Variants in RAB7A observed in about 807,000 individuals in gnomAD.
The protein encoded by RAB7A is ras-related protein Rab-7a.
Under a neutral mutation model 24.5 loss-of-function variants are expected in RAB7A, and 2 were observed. The observed-to-expected ratio is 0.08, with a 90% confidence interval of 0.03 to 0.26. RAB7A has a LOEUF of 0.26. RAB7A is among the 10% of genes least tolerant of loss of function. The pLI is 1.00. For synonymous variants in RAB7A, 100 were observed against 95.9 expected, an observed-to-expected ratio of 1.04 and a Z score of -0.25; for missense variants, 118 against 255.7, an observed-to-expected ratio of 0.46 and a Z score of 3.67.
At chr3:128,736,391 T>C (rs987636449) in intron 1 of RAB7A, among the ~76,000 whole-genome samples, 2 of 152,248 alleles carry the variant, frequency 1.3e-5, no homozygotes, top group African/African-American at 4.8e-5. Context: ...CTGTTTCTTT[T>C]GAAACATAGA....
At chr3:128,768,900 G>A (rs2070857647) in intron 1 of RAB7A, among the ~76,000 whole-genome samples, 2 of 148,404 alleles carry the variant, frequency 1.3e-5, no homozygotes, top group South Asian at 2.1e-4. Context: ...TTGTACAACC[G>A]TCACCATCTA....
chr3:128,808,527 AAAC>A (rs1363467186), intron 5 of RAB7A, among the ~76,000 whole-genome samples: 3 of 152,346 alleles, frequency 2.0e-5, no homozygotes, highest in Middle Eastern at 3.4e-3. Context: ...ACAGTTAAGT[AAAC>A]AACACAAAGA....
chr3:128,751,145 T>C (rs1041419771), intron 1 of RAB7A, among the ~76,000 whole-genome samples: 3 of 152,204 alleles, frequency 2.0e-5, no homozygotes, highest in Non-Finnish European at 4.4e-5. Flanking sequence ...GAACCTCTGC[T>C]AGGGCATTGT....
At chr3:128,731,774 G>A (rs141052298) in intron 1 of RAB7A, among the ~76,000 whole-genome samples, 1,807 of 152,134 alleles carry the variant, frequency 0.012, 32 homozygotes, top group African/African-American at 0.039. Flanking sequence ...TTGGGAGGCC[G>A]AGGAGGGTGG....
chr3:128,755,864 C>T (rs936732325), intron 1 of RAB7A, among the ~76,000 whole-genome samples: 17 of 152,018 alleles, frequency 1.1e-4, no homozygotes, highest in African/African-American at 3.9e-4. Flanking sequence ...GTGTGCTGCA[C>T]CCATTAACTC....
intron 1 of RAB7A, among the ~76,000 whole-genome samples, chr3:128,756,501 G>T (rs1440519288): frequency 6.6e-6 from 1 of 152,044 alleles, no homozygotes; most frequent in African/African-American, 2.4e-5. Flanking sequence ...ATTGCAAAAA[G>T]AAATTAAAGA....
intron 1 of RAB7A, among the ~76,000 whole-genome samples, chr3:128,739,573 G>C (rs73196996): frequency 6.6e-6 from 1 of 151,378 alleles, no homozygotes; most frequent in Non-Finnish European, 1.5e-5. Context: ...TAATTTGATG[G>C]CTATAATTCA....
chr3:128,795,891 A>G (rs926248961), intron 2 of RAB7A, among the ~76,000 whole-genome samples: 8 of 151,322 alleles, frequency 5.3e-5, no homozygotes, highest in African/African-American at 2.4e-5. Context: ...AGCTGGGACT[A>G]CAGGCGCCCG....
chr3:128,797,784 A>G (rs760372695), intron 2 of RAB7A, among the ~76,000 whole-genome samples, 159 bp from the exon 3 acceptor site: 5 of 152,214 alleles, frequency 3.3e-5, no homozygotes, highest in African/African-American at 4.8e-5. Context: ...CAAAACTTCA[A>G]AAGTGTAATG....
At chr3:128,758,231 T>C (rs1033670260) in intron 1 of RAB7A, among the ~76,000 whole-genome samples, 1 of 151,618 alleles carries the variant, frequency 6.6e-6, no homozygotes, top group African/African-American at 2.4e-5. Flanking sequence ...GTCAAATTGC[T>C]GGGGTTACAG....
At chr3:128,736,953 T>A (rs2070495180) in intron 1 of RAB7A, among the ~76,000 whole-genome samples, 1 of 152,232 alleles carries the variant, frequency 6.6e-6, no homozygotes, top group African/African-American at 2.4e-5. Context: ...AATCAGCTGG[T>A]AATTTAAATG....
chr3:128,771,323 A>G (rs1249605029), intron 1 of RAB7A, among the ~76,000 whole-genome samples: 1 of 152,226 alleles, frequency 6.6e-6, no homozygotes, highest in Non-Finnish European at 1.5e-5. Context: ...TGGGGGGCTC[A>G]TCTTCAAGAG....
intron 1 of RAB7A, among the ~76,000 whole-genome samples, chr3:128,768,247 A>G (rs1182186727): frequency 6.6e-6 from 1 of 152,138 alleles, no homozygotes; most frequent in Non-Finnish European, 1.5e-5. Context: ...TTTGTGCTGT[A>G]TGTATCTATA....
At chr3:128,788,018 G>A (rs922569946) in intron 1 of RAB7A, among the ~76,000 whole-genome samples, 6 of 152,370 alleles carry the variant, frequency 3.9e-5, no homozygotes, top group East Asian at 3.9e-4. Context: ...CCTGCCATAA[G>A]TTTTAAATTG....
chr3:128,781,831 G>A (rs1031252977), intron 1 of RAB7A, among the ~76,000 whole-genome samples: 4 of 152,196 alleles, frequency 2.6e-5, no homozygotes, highest in South Asian at 4.2e-4. Flanking sequence ...TGGGCAACAT[G>A]GTGAAACCCT....
At chr3:128,781,218 T>G (rs1197870435) in intron 1 of RAB7A, among the ~76,000 whole-genome samples, 1 of 152,252 alleles carries the variant, frequency 6.6e-6, no homozygotes. Context: ...GGAATAATAC[T>G]TGTTGATTAA....
intron 1 of RAB7A, among the ~76,000 whole-genome samples, chr3:128,755,062 T>A (rs917645159): frequency 6.6e-6 from 1 of 152,190 alleles, no homozygotes. Flanking sequence ...AGAATGCATC[T>A]TCTTCTTAAG....
At chr3:128,729,761 C>T (rs1312471717) in intron 1 of RAB7A, among the ~76,000 whole-genome samples, 1 of 152,104 alleles carries the variant, frequency 6.6e-6, no homozygotes, top group Non-Finnish European at 1.5e-5. Context: ...GTATTTATCT[C>T]CCCATTCATT....
At chr3:128,800,591 A>G (rs1933677648) in intron 3 of RAB7A, among the ~76,000 whole-genome samples, 1 of 151,776 alleles carries the variant, frequency 6.6e-6, no homozygotes, top group African/African-American at 2.4e-5. Context: ...AGTCATAATG[A>G]AACTAAAAAA....
Sources: gnomAD v4.1 joint callset for allele counts (sites outside exome capture counted in the v4.1 genomes callset) on GRCh38, gnomAD v4.1.1 for gene constraint, MANE v1.5 for transcripts, NCBI Gene and HGNC (gene_info 2026-07-23, HGNC 2026-07-21) for gene names.